WDPCP: variants seen among roughly 807,000 people sequenced by gnomAD.
WDPCP encodes the protein WD repeat containing planar cell polarity effector.
A neutral mutation model predicts 93.1 loss-of-function variants in WDPCP; 71 were observed. That is an observed-to-expected ratio of 0.76 (90% CI 0.63 to 0.93). The LOEUF is 0.93. Ranked by LOEUF, WDPCP falls within the 40% of genes least tolerant of loss-of-function variation. The pLI is 0.00. For synonymous variants in WDPCP, 315 were observed against 315.0 expected (o/e 1.00, Z 0.00); for missense variants, 844 against 887.4 (o/e 0.95, Z 0.62).
intron 12 of WDPCP, among the ~76,000 whole-genome samples, chr2:63,329,889 G>C (rs1417282123): frequency 6.6e-6 from 1 of 152,010 alleles, no homozygotes; most frequent in Non-Finnish European, 1.5e-5. Flanking sequence ...TGTCCTCTAG[G>C]TTCATTCACA....
chr2:63,202,133 C>CTA (rs1296933497), intron 14 of WDPCP, among the ~76,000 whole-genome samples: 1 of 151,226 alleles, frequency 6.6e-6, no homozygotes, highest in African/African-American at 2.4e-5. Flanking sequence ...ACATTAAGTA[C>CTA]TATATATTTT....
intron 13 of WDPCP, among the ~76,000 whole-genome samples, chr2:63,300,942 G>A (rs1213353273): frequency 6.6e-6 from 1 of 151,842 alleles, no homozygotes; most frequent in Non-Finnish European, 1.5e-5. Flanking sequence ...AGAGCATGTG[G>A]CATTTCCAGG....
chr2:63,655,798 AT>A (rs1213380312), intron 2 of WDPCP, among the ~76,000 whole-genome samples: 2 of 152,198 alleles, frequency 1.3e-5, no homozygotes. Context: ...TCTTGAAGAT[AT>A]TTCCCCATTA....
chr2:63,158,014 T>C (rs542930343), intron 15 of WDPCP, among the ~76,000 whole-genome samples: 29 of 146,954 alleles, frequency 2.0e-4, no homozygotes, highest in Admixed American at 1.7e-3. Flanking sequence ...ATTCTTATTT[T>C]AAGCTGTGAT....
At chr2:63,524,826 T>C (rs1391702431) in intron 1 of WDPCP, among the ~76,000 whole-genome samples, 2 of 152,026 alleles carry the variant, frequency 1.3e-5, no homozygotes, top group African/African-American at 2.4e-5. Context: ...ACCTACACAA[T>C]GGGAGATAAT....
At chr2:63,448,526 G>C (rs1698016272) in intron 6 of WDPCP, among the ~76,000 whole-genome samples, 1 of 151,962 alleles carries the variant, frequency 6.6e-6, no homozygotes, top group African/African-American at 2.4e-5. Context: ...ATTATGGTGA[G>C]TTTAAGCACA....
At chr2:63,261,833 C>T (rs1681658226) in intron 13 of WDPCP, among the ~76,000 whole-genome samples, 1 of 152,156 alleles carries the variant, frequency 6.6e-6, no homozygotes, top group South Asian at 2.1e-4. Context: ...TGTATTTTAA[C>T]AATATATCAT....
At chr2:63,587,760 C>G (rs1025155337) in intron 1 of WDPCP, among the ~76,000 whole-genome samples, 1 of 152,180 alleles carries the variant, frequency 6.6e-6, no homozygotes, top group African/African-American at 2.4e-5. Context: ...CCAGTGTCTC[C>G]CCTTCAGTCG....
intron 1 of WDPCP, among the ~76,000 whole-genome samples, chr2:63,515,757 C>T (rs1429835240): frequency 1.3e-5 from 2 of 152,170 alleles, no homozygotes; most frequent in South Asian, 2.1e-4. Context: ...CAGTGGCTCA[C>T]GCCTATAATC....
At chr2:63,494,827 G>A (rs1292890642) in intron 1 of WDPCP, among the ~76,000 whole-genome samples, 1 of 151,638 alleles carries the variant, frequency 6.6e-6, no homozygotes, top group Non-Finnish European at 1.5e-5. Flanking sequence ...GGCTGAGGCA[G>A]GAGAATGGCG....
At chr2:63,520,648 C>G (rs373384117) in intron 1 of WDPCP, among the ~76,000 whole-genome samples, 3 of 152,172 alleles carry the variant, frequency 2.0e-5, no homozygotes, top group East Asian at 3.9e-4. Context: ...TCCCAGCACT[C>G]TGGGAGGCCA....
intron 1 of WDPCP, chr2:63,517,824 C>T (rs1459497776): frequency 6.6e-6 from 1 of 152,154 alleles, no homozygotes; most frequent in East Asian, 1.9e-4. Context: ...AGATCTGTTA[C>T]ATTGTTTTGC....
intron 14 of WDPCP, among the ~76,000 whole-genome samples, chr2:63,250,263 G>A (rs1379605499): frequency 6.6e-6 from 1 of 152,124 alleles, no homozygotes; most frequent in Non-Finnish European, 1.5e-5. Context: ...TACAGTGTGG[G>A]TACACTGGAC....
At chr2:63,682,807 G>A (rs1305540163) in intron 2 of WDPCP, among the ~76,000 whole-genome samples, 1 of 152,004 alleles carries the variant, frequency 6.6e-6, no homozygotes, top group East Asian at 1.9e-4. Flanking sequence ...TTACAACACT[G>A]TAATTGTGTT....
intron 1 of WDPCP, among the ~76,000 whole-genome samples, chr2:63,566,639 G>A (rs1355272058): frequency 6.6e-6 from 1 of 152,216 alleles, no homozygotes; most frequent in Admixed American, 6.5e-5. Context: ...TGTGGAGGTT[G>A]TCCACACCAA....
At chr2:63,217,326 G>A (rs1481208413) in intron 14 of WDPCP, among the ~76,000 whole-genome samples, 1 of 152,226 alleles carries the variant, frequency 6.6e-6, no homozygotes, top group Non-Finnish European at 1.5e-5. Flanking sequence ...GCAGAGTCAA[G>A]TAGTTGTGAC....
At chr2:63,248,059 C>G (rs1680427793) in intron 14 of WDPCP, among the ~76,000 whole-genome samples, 1 of 152,066 alleles carries the variant, frequency 6.6e-6, no homozygotes, top group African/African-American at 2.4e-5. Context: ...ACTTCCCCTA[C>G]TTTGTTATTC....
chr2:63,322,883 C>T (rs1199387643), intron 12 of WDPCP, among the ~76,000 whole-genome samples: 2 of 152,184 alleles, frequency 1.3e-5, no homozygotes, highest in Non-Finnish European at 2.9e-5. Context: ...CCTTAGAATT[C>T]GGGGTCTAAA....
intron 10 of WDPCP, among the ~76,000 whole-genome samples, chr2:63,386,628 T>C (rs892014230): frequency 6.6e-6 from 1 of 152,122 alleles, no homozygotes; most frequent in African/African-American, 2.4e-5. Flanking sequence ...AACAGTTTCT[T>C]CTAAAGTTGA....
Sources: gnomAD v4.1 joint callset for allele counts (sites outside exome capture counted in the v4.1 genomes callset) on GRCh38, gnomAD v4.1.1 for gene constraint, MANE v1.5 for transcripts, NCBI Gene and HGNC (gene_info 2026-07-23, HGNC 2026-07-21) for gene names.